Variants in LHFPL6 observed in about 807,000 individuals in gnomAD.
LHFPL6 encodes the protein LHFPL tetraspan subfamily member 6 protein.
In LHFPL6, 9 loss-of-function variants were observed where a neutral mutation model predicts 20.6. That is an observed-to-expected ratio of 0.44 (90% confidence interval 0.26 to 0.76). The LOEUF (loss-of-function observed/expected upper bound fraction) is 0.76, where lower values mean the gene tolerates loss of function less well. Among genes scored for constraint, LHFPL6 ranks in the 30% least tolerant of loss-of-function variants. LHFPL6 has a pLI of 0.20. For synonymous variants in LHFPL6, 105 were observed against 98.7 expected (o/e 1.06, Z -0.38); for missense variants, 218 against 253.5 (o/e 0.86, Z 0.95).
intron 2 of LHFPL6, among the ~76,000 whole-genome samples, chr13:39,553,678 C>T (rs1871212205): frequency 6.6e-6 from 1 of 152,178 alleles, no homozygotes; most frequent in African/African-American, 2.4e-5. Flanking sequence ...CGCCACTGCG[C>T]TACAGCCTGG....
chr13:39,510,524 T>C lies in LHFPL6; in HGVS notation c.385+90308A>G, dbSNP rs571204673. 4.6e-5 allele frequency among the ~76,000 whole-genome samples: 7 copies of C among 152,334 alleles called. No individual in the cohort carries two copies. The South Asian group carries it at 8.3e-4, about 18-fold the overall frequency. The stretch of plus-strand genomic sequence containing the variant: ...TACTTTTAGCATTGTGGGGTGGGGA[T>C]AGCAGATGCCTGAGAAACTATAGTG... On this transcript the variant is annotated intron_variant, in intron 2 of 3. Transcript: ENST00000379589.
intron 2 of LHFPL6, among the ~76,000 whole-genome samples, chr13:39,565,550 G>C (rs1220360070): frequency 6.6e-6 from 1 of 152,222 alleles, no homozygotes; most frequent in Admixed American, 6.5e-5. Flanking sequence ...GTGGAGAAGG[G>C]AATTGTAGTT....
At chr13:39,387,831 AGC>A (rs2138367903) in intron 2 of LHFPL6, among the ~76,000 whole-genome samples, 1 of 152,276 alleles carries the variant, frequency 6.6e-6, no homozygotes, top group Admixed American at 6.5e-5. Context: ...TAGAAGATCA[AGC>A]CAGATTTCCA....
intron 2 of LHFPL6, among the ~76,000 whole-genome samples, chr13:39,422,586 C>CAAA (rs11311637): frequency 8.4e-6 from 1 of 118,798 alleles, no homozygotes; most frequent in African/African-American, 3.4e-5. Context: ...AACTCCAACT[C>CAAA]AAAAAAAAAA....
chr13:39,404,378 T>C (rs1871063437), intron 2 of LHFPL6, among the ~76,000 whole-genome samples: 1 of 152,090 alleles, frequency 6.6e-6, no homozygotes, highest in Admixed American at 6.5e-5. Context: ...TCAAGAACAC[T>C]ATATTCCCTC....
intron 2 of LHFPL6, among the ~76,000 whole-genome samples, chr13:39,558,804 C>G (rs1470437944): frequency 6.6e-6 from 1 of 152,210 alleles, no homozygotes; most frequent in African/African-American, 2.4e-5. Context: ...GGAAATCTAT[C>G]ATTTTCTTAA....
chr13:39,559,066 A>G (rs1749139576), intron 2 of LHFPL6, among the ~76,000 whole-genome samples: 1 of 152,204 alleles, frequency 6.6e-6, no homozygotes, highest in South Asian at 2.1e-4. Flanking sequence ...GCACTGAAAT[A>G]AGCCCAGTCT....
intron 2 of LHFPL6, among the ~76,000 whole-genome samples, chr13:39,434,912 C>T (rs1372375120): frequency 2.0e-5 from 3 of 151,132 alleles, no homozygotes; most frequent in Admixed American, 6.6e-5. Context: ...AAAAATTAGC[C>T]GGGCGCGGTG....
intron 2 of LHFPL6, among the ~76,000 whole-genome samples, chr13:39,540,370 T>C (rs1216492313): frequency 1.3e-5 from 2 of 152,144 alleles, no homozygotes; most frequent in Non-Finnish European, 2.9e-5. Context: ...TTTTAAGTCT[T>C]GTTAGAAAGT....
At position 39,525,936 on chromosome 13, in the gene LHFPL6, A is replaced by T. The variant is rs568409821; in HGVS notation, c.385+74896T>A. On this transcript the variant is annotated intron_variant, in intron 2 of 3. Transcript: ENST00000379589. ...CTCAGAAGGTCAAAAAGAAATAATC[A>T]GTCACAGAAACAGAATGTTATCTAA... is the stretch of plus-strand genomic sequence containing the variant. Among the ~76,000 whole-genome samples, 15 of 152,236 alleles carry T rather than the reference A, an allele frequency of 9.9e-5. No individual in the cohort carries two copies. In the East Asian group the frequency reaches 2.5e-3, roughly 25 times the overall value.
intron 2 of LHFPL6, among the ~76,000 whole-genome samples, chr13:39,457,873 T>C (rs906673977): frequency 1.3e-5 from 2 of 152,140 alleles, no homozygotes; most frequent in Admixed American, 6.5e-5. Flanking sequence ...CCTGTTCATA[T>C]AGAAAAGAAC....
intron 2 of LHFPL6, among the ~76,000 whole-genome samples, chr13:39,504,128 T>C (rs1385128527): frequency 6.6e-6 from 1 of 152,194 alleles, no homozygotes; most frequent in Non-Finnish European, 1.5e-5. Flanking sequence ...ACCGGAAGGA[T>C]CACTAACATG....
At chr13:39,508,840 T>G (rs1417886879) in intron 2 of LHFPL6, among the ~76,000 whole-genome samples, 1 of 152,220 alleles carries the variant, frequency 6.6e-6, no homozygotes, top group Non-Finnish European at 1.5e-5. Flanking sequence ...ATGCTCTCAT[T>G]TCTCTTTAGT....
chr13:39,456,701 A>G (rs932084408), intron 2 of LHFPL6, among the ~76,000 whole-genome samples: 5 of 152,256 alleles, frequency 3.3e-5, no homozygotes, highest in Non-Finnish European at 7.3e-5. Context: ...TGCATTCAAA[A>G]ATTAAGTTTA....
chr13:39,487,764 T>G (rs1457840133), intron 2 of LHFPL6, among the ~76,000 whole-genome samples: 1 of 152,124 alleles, frequency 6.6e-6, no homozygotes, highest in Non-Finnish European at 1.5e-5. Flanking sequence ...ATCCCAGCAC[T>G]TTGGGAGGCT....
chr13:39,437,463 T>C (rs1264755527), intron 2 of LHFPL6, among the ~76,000 whole-genome samples: 2 of 152,148 alleles, frequency 1.3e-5, no homozygotes, highest in Non-Finnish European at 2.9e-5. Context: ...TTTCTCCCCA[T>C]TTGCCTTCAC....
intron 2 of LHFPL6, among the ~76,000 whole-genome samples, chr13:39,469,687 G>A (rs114457602): frequency 0.02 from 3,017 of 152,288 alleles, 104 homozygotes; most frequent in African/African-American, 0.068. Context: ...GTAGATGTTT[G>A]TGGGTTTTGA....
rs573404933 is a variant in LHFPL6 at position 39,375,717 on chromosome 13, G to A, written c.484+2711C>T. 1.8e-3 allele frequency among the ~76,000 whole-genome samples: 262 copies of A among 144,564 alleles called. 3 individuals are homozygous for A. The highest frequency in any genetic ancestry group is 7.2e-3 in the African/African-American group (250 of 34,556). The allele number at this position is 144,564 out of a possible 152,430, so 94.8% of individuals were successfully genotyped here. A position where few individuals can be genotyped will look rare whatever the true frequency, so the allele number is the denominator to read the frequency against. On this transcript the variant is annotated intron_variant, in intron 3 of 3. Transcript: ENST00000379589. ...AAAAAAAAAAAGGAAAGTGAAGTGG[G>A]ATGGGCCTAGAGATATCTCTATGCC...
chr13:39,356,200 T>C (rs1040720532), intron 3 of LHFPL6, among the ~76,000 whole-genome samples: 2 of 152,156 alleles, frequency 1.3e-5, no homozygotes, highest in African/African-American at 4.8e-5. Flanking sequence ...GAAATAAAAA[T>C]AGAAATTGAT....
Sources: allele counts gnomAD v4.1 joint callset (sites outside exome capture counted in the v4.1 genomes callset), GRCh38; gene constraint gnomAD v4.1.1; transcripts MANE v1.5; gene names NCBI Gene and HGNC (gene_info 2026-07-23, HGNC 2026-07-21).